The following RSPH9 variants were observed in gnomAD, a reference collection of about 807,000 sequenced individuals.
RSPH9 encodes the protein radial spoke head protein 9 homolog.
RSPH9 carries 27 observed loss-of-function variants against 27.0 expected under a neutral mutation model. That is an observed-to-expected ratio of 1.00 (90% CI 0.74 to 1.38). The LOEUF (loss-of-function observed/expected upper bound fraction) is 1.38, where lower values mean the gene tolerates loss of function less well. Among genes scored for constraint, RSPH9 ranks in the 40% most tolerant of loss-of-function variants. RSPH9 has a pLI of 0.00. For synonymous variants in RSPH9, 145 were observed against 147.7 expected, an observed-to-expected ratio of 0.98 and a Z score of 0.13; for missense variants, 347 against 357.4, an observed-to-expected ratio of 0.97 and a Z score of 0.24.
chr6:43,648,988 GGCA>G (rs1343233122), intron 1 of RSPH9, among the ~76,000 whole-genome samples: 1 of 152,048 alleles, frequency 6.6e-6, no homozygotes, highest in Non-Finnish European at 1.5e-5. Flanking sequence ...GAAGTGGTGG[GGCA>G]GAAATCATGG....
At chr6:43,653,446 CAAAAAAAAA>C (rs79873267) in intron 2 of RSPH9, among the ~76,000 whole-genome samples, 12,673 of 75,532 alleles carry the variant, frequency 0.17, 743 homozygotes, top group Admixed American at 0.24. Flanking sequence ...GACTCCGTCT[CAAAAAAAAA>C]AAAAAAAAAA....
rs1773687744 is a variant in RSPH9 at position 43,671,383 on chromosome 6, G to A, written c.*434G>A. ...CATCACAAGAGATCAGTGACTCAAT[G>A]CTCAGCACCCAGCTGGCAATGTGCC... On this transcript the variant is annotated 3_prime_UTR_variant, in exon 5 of 5. Transcript: ENST00000372163. 1 of 398,666 alleles carries A rather than the reference G, an allele frequency of 2.5e-6. No homozygotes were observed. The allele number at this position is 398,666 out of a possible 1,614,324, so 24.7% of individuals were successfully genotyped here.
At position 43,666,464 on chromosome 6, in the gene RSPH9, G is replaced by A. The variant is rs200578053; in HGVS notation, c.671-4325G>A. 397 of 1,550,458 alleles carry A rather than the reference G, an allele frequency of 2.6e-4. 1 individual carries two copies. Among genetic ancestry groups the A allele is most frequent in the Middle Eastern group, 1.7e-4 (1 of 6,014 alleles). On this transcript the variant is annotated intron_variant, in intron 4 of 4. Transcript: ENST00000372163. ...TTCAGGGTGACTTCACGTGGCTTCT[G>A]AGCAGGTGTGGTTTTGGTTGGCCCT...
At chr6:43,645,434 G>A in intron 1 of RSPH9, 109 bp downstream of exon 1, 1 of 920,114 alleles carries the variant, frequency 1.1e-6, no homozygotes, top group Non-Finnish European at 1.7e-6. Context: ...GCCAAGGGAG[G>A]TGTGGGCGGG....
rs185250149 is a variant in RSPH9, at chr6:43,668,817, G to T, written c.671-1972G>T. Among the ~76,000 whole-genome samples, 1,037 of 152,314 alleles carry T rather than the reference G, an allele frequency of 6.8e-3. 7 individuals are homozygous for T. Among genetic ancestry groups the T allele is most frequent in the Middle Eastern group, 0.01 (3 of 294 alleles). ...TGAGGCAGTCTGGTCTTAGTTCAAG[G>T]GGCTGAGGGACTGTCTTTATGGAGC... On this transcript the variant is annotated intron_variant, in intron 4 of 4. Transcript: ENST00000372163.
At chr6:43,651,674 G>C (rs530100053) in intron 2 of RSPH9, among the ~76,000 whole-genome samples, 4 of 151,686 alleles carry the variant, frequency 2.6e-5, no homozygotes, top group African/African-American at 7.3e-5. Flanking sequence ...TCAGCCTCCC[G>C]AGTAGCTGGG....
intron 1 of RSPH9, among the ~76,000 whole-genome samples, chr6:43,647,334 G>T (rs1009970051): frequency 7.9e-5 from 12 of 152,252 alleles, no homozygotes; most frequent in African/African-American, 2.4e-4. Context: ...CTACTGAGGG[G>T]CTTGCAAGAA....
chr6:43,645,758 G>A (rs960789178), intron 1 of RSPH9, among the ~76,000 whole-genome samples: 12 of 152,246 alleles, frequency 7.9e-5, no homozygotes, highest in Non-Finnish European at 1.5e-5. Context: ...TTCCAGCCAA[G>A]TGCTGGGCCT....
Position 43,670,835 on chromosome 6 carries a change from G to C in RSPH9, c.717G>C (p.Leu239=). ...QMERGNALVV[L]RSLLWPGLTF... ...AGAGGGGCAATGCCCTGGTGGTGCT[G>C]CGCAGCCTGCTCTGGCCGGGCCTCA... The change falls in exon 5 of 5, where the codon CTG becomes CTC. Residue 239 remains leucine (L), a synonymous_variant. Coordinates refer to ENST00000372163, the MANE Select transcript of RSPH9 (RefSeq NM_152732.5). 7 of 1,614,222 alleles carry C rather than the reference G, an allele frequency of 4.3e-6. No individual in the cohort carries two copies. The highest frequency in any genetic ancestry group is 5.1e-6 in the Non-Finnish European group (6 of 1,180,050).
At chr6:43,648,466 G>A (rs551287046) in intron 1 of RSPH9, among the ~76,000 whole-genome samples, 72 of 152,326 alleles carry the variant, frequency 4.7e-4, no homozygotes, top group Non-Finnish European at 8.2e-4. Flanking sequence ...TTGTGGAACC[G>A]CATGGAGACT....
chr6:43,650,925 GA>G (rs1012216289), intron 2 of RSPH9, among the ~76,000 whole-genome samples: 1 of 144,806 alleles, frequency 6.9e-6, no homozygotes, highest in African/African-American at 2.6e-5. Flanking sequence ...AAAAAGAAAA[GA>G]AAAAAAAGAA....
At chr6:43,658,312 A>AAAAAAAAAAAAAAAAG (rs1772251832) in intron 4 of RSPH9, among the ~76,000 whole-genome samples, 1 of 133,788 alleles carries the variant, frequency 7.5e-6, no homozygotes, top group Non-Finnish European at 1.6e-5. Flanking sequence ...AAAAAAAAAG[A>AAAAAAAAAAAAAAAAG]AAAAAAAAAA....
At chr6:43,666,513 T>C in intron 4 of RSPH9, 1 of 1,548,002 alleles carries the variant, frequency 6.5e-7, no homozygotes, top group Non-Finnish European at 8.7e-7. Context: ...CTGCTCTGTG[T>C]CCATGAGGTA....
At chr6:43,665,201 G>A (rs1392003952) in intron 4 of RSPH9, among the ~76,000 whole-genome samples, 1 of 152,222 alleles carries the variant, frequency 6.6e-6, no homozygotes, top group Admixed American at 6.5e-5. Flanking sequence ...GCTAGATGGG[G>A]TGGGGCCCAG....
chr6:43,656,752 G>A, intron 4 of RSPH9, 29 bp downstream of exon 4: 2 of 1,612,190 alleles, frequency 1.2e-6, no homozygotes, highest in Non-Finnish European at 1.7e-6. Context: ...GAGGCCATGG[G>A]ATCTGTCCTC....
In RSPH9 at chr6:43,663,338, C is replaced by G. The variant is rs567440727; in HGVS notation, c.670+6615C>G. ...GGTTCAAGCGATTCTTCTGCCTCAC[C>G]CTCCTGAGTAGCCGGGATTATAGGC... On this transcript the variant is annotated intron_variant, in intron 4 of 4. Transcript: ENST00000372163. Among the ~76,000 whole-genome samples the G allele has an allele frequency of 2.2e-3, 334 of 152,048 alleles. 1 individual carries two copies. The highest frequency in any genetic ancestry group is 4.0e-3 in the Non-Finnish European group (272 of 68,008).
At position 43,671,407 on chromosome 6, in the gene RSPH9, C is replaced by T. The variant is rs1206606838; in HGVS notation, c.*458C>T. 1 of 407,946 alleles carries T rather than the reference C, an allele frequency of 2.5e-6. No individual in the cohort carries two copies. The highest frequency in any genetic ancestry group is 5.2e-5 in the East Asian group (1 of 19,084). The allele number at this position is 407,946 out of a possible 1,614,324, so 25.3% of individuals were successfully genotyped here. A position where few individuals can be genotyped will look rare whatever the true frequency, so the allele number is the denominator to read the frequency against. On this transcript the variant is annotated 3_prime_UTR_variant, in exon 5 of 5. Coordinates refer to ENST00000372163, the MANE Select transcript of RSPH9 (RefSeq NM_152732.5). ...TGCTCAGCACCCAGCTGGCAATGTG[C>T]CCAGGACCCCCTGCACTTCCCAAGC... is the stretch of plus-strand genomic sequence containing the variant.
chr6:43,658,892 T>C (rs1287457898), intron 4 of RSPH9, among the ~76,000 whole-genome samples: 1 of 152,090 alleles, frequency 6.6e-6, no homozygotes, highest in Non-Finnish European at 1.5e-5. Flanking sequence ...TTTCACCACA[T>C]TGGCCAGGAT....
intron 2 of RSPH9, among the ~76,000 whole-genome samples, chr6:43,651,953 C>T (rs1379081429): frequency 6.6e-6 from 1 of 152,054 alleles, no homozygotes; most frequent in Admixed American, 6.6e-5. Flanking sequence ...TCACCATGTC[C>T]TAAGAGTTAG....
Sources: gnomAD v4.1 joint callset for allele counts (sites outside exome capture counted in the v4.1 genomes callset) on GRCh38, gnomAD v4.1.1 for gene constraint, MANE v1.5 for transcripts, NCBI Gene and HGNC (gene_info 2026-07-23, HGNC 2026-07-21) for gene names.